RPS4Y1: variants seen among roughly 807,000 people sequenced by gnomAD.
The protein encoded by RPS4Y1 is ribosomal protein S4 Y-linked 1.
For synonymous variants in RPS4Y1, 23 were observed against 20.8 expected (o/e 1.10, Z -0.28); for missense variants, 30 against 60.9 (o/e 0.49, Z 1.69).
intron 4 of RPS4Y1, among the ~76,000 whole-genome samples, chrY:2,851,249 G>A: frequency 1.5e-4 from 5 of 33,421 alleles, no homozygotes; most frequent in Non-Finnish European, 3.7e-4. Context: ...GTGGTCACTG[G>A]ATTGGTACTG....
chrY:2,841,911 G>T, intron 1 of RPS4Y1: 1 of 376,024 alleles, frequency 2.7e-6, no homozygotes, highest in Non-Finnish European at 3.7e-6. Flanking sequence ...CCTCAGATTC[G>T]CTTGGAGAGC....
At chrY:2,850,969 A>G in intron 4 of RPS4Y1, among the ~76,000 whole-genome samples, 1 of 24,424 alleles carries the variant, frequency 4.1e-5, no homozygotes, top group African/African-American at 1.6e-4. Context: ...TCAGCCTCCC[A>G]AGTAGCTGGG....
At chrY:2,851,165 G>A (rs568388151) in intron 4 of RPS4Y1, among the ~76,000 whole-genome samples, 30 of 33,554 alleles carry the variant, frequency 8.9e-4, no homozygotes, top group African/African-American at 3.4e-3. Context: ...TATATCTAGC[G>A]TGGAGTAGAG....
intron 5 of RPS4Y1, among the ~76,000 whole-genome samples, chrY:2,859,364 A>G: frequency 3.1e-5 from 1 of 32,647 alleles, no homozygotes; most frequent in African/African-American, 1.2e-4. Context: ...TTTTATACCT[A>G]TTTTTTCTCC....
intron 4 of RPS4Y1, among the ~76,000 whole-genome samples, chrY:2,847,209 G>A: frequency 3.0e-5 from 1 of 33,771 alleles, no homozygotes; most frequent in South Asian, 6.6e-4. Flanking sequence ...CGTCAGTTAT[G>A]TCAGGGACAC....
At chrY:2,852,122 CT>C (rs2051156631) in intron 4 of RPS4Y1, among the ~76,000 whole-genome samples, 1 of 33,839 alleles carries the variant, frequency 3.0e-5, no homozygotes, top group East Asian at 7.8e-4. Flanking sequence ...TTTCAAAGGG[CT>C]TCTGTCCTGC....
intron 5 of RPS4Y1, among the ~76,000 whole-genome samples, chrY:2,864,524 G>A: frequency 6.0e-5 from 2 of 33,369 alleles, no homozygotes; most frequent in African/African-American, 1.2e-4. Flanking sequence ...AAGGTAGCCT[G>A]TGTCCTAGAT....
Position 2,854,656 on chromosome Y carries a change from G to C in RPS4Y1, c.417G>C (p.Leu139=), listed in dbSNP as rs1015417122. The change falls in exon 5 of 7, where the codon CTG becomes CTC. Residue 139 remains leucine (L), a synonymous_variant. Transcript: ENST00000250784. The part of the protein sequence containing the change: ...ITVGVKGIPH[L]VTHDARTIRY... ...TGGGAGTGAAGGGAATCCCTCACCTGGTGACTCATGATGCTCGAACCATCC... is the reference window on the plus strand; with the variant it reads ...TGGGAGTGAAGGGAATCCCTCACCTCGTGACTCATGATGCTCGAACCATCC... 2.5e-6 allele frequency: 1 copy of C among 392,298 alleles called. No homozygotes were observed. Among genetic ancestry groups the C allele is most frequent in the Non-Finnish European group, 3.6e-6 (1 of 279,407 alleles).
At chrY:2,861,906 GCCT>G (rs2051163852) in intron 5 of RPS4Y1, among the ~76,000 whole-genome samples, 1 of 31,750 alleles carries the variant, frequency 3.1e-5, no homozygotes, top group Admixed American at 2.9e-4. Context: ...AAGCCACAGT[GCCT>G]GGCAATTTTT....
At chrY:2,843,908 C>A in intron 2 of RPS4Y1, among the ~76,000 whole-genome samples, 169 bp from the exon 3 acceptor site, 1 of 32,852 alleles carries the variant, frequency 3.0e-5, no homozygotes, top group Admixed American at 2.7e-4. Flanking sequence ...ACCTTCCTAA[C>A]AAGACAGACC....
chrY:2,849,335 C>T (rs753080305), intron 4 of RPS4Y1, among the ~76,000 whole-genome samples: 6 of 34,133 alleles, frequency 1.8e-4, no homozygotes, highest in African/African-American at 6.9e-4. Flanking sequence ...GTTTGGCATC[C>T]TTCAGCTCAT....
intron 5 of RPS4Y1, 107 bp from the exon 6 acceptor site, chrY:2,864,981 A>G (rs2051165984): frequency 4.8e-5 from 8 of 167,497 alleles, no homozygotes; most frequent in Non-Finnish European, 6.7e-5. Context: ...ATGATGCTCC[A>G]TTTTTTTTTT....
At chrY:2,849,101 G>A (rs986941980) in intron 4 of RPS4Y1, among the ~76,000 whole-genome samples, 2 of 33,184 alleles carry the variant, frequency 6.0e-5, no homozygotes, top group Non-Finnish European at 1.5e-4. Context: ...GTTGCAAAAG[G>A]CATTATTTTG....
intron 1 of RPS4Y1, 127 bp downstream of exon 1, chrY:2,841,754 C>T: frequency 4.1e-6 from 1 of 242,307 alleles, no homozygotes; most frequent in Non-Finnish European, 6.7e-6. Context: ...GCTGGTGCTG[C>T]TTCAGGAAAC....
chrY:2,858,812 A>T, intron 5 of RPS4Y1, among the ~76,000 whole-genome samples: 1 of 32,874 alleles, frequency 3.0e-5, no homozygotes, highest in African/African-American at 1.2e-4. Flanking sequence ...CGGTTTTGTC[A>T]GTTTTTGTTA....
At chrY:2,845,515 G>T in intron 3 of RPS4Y1, 131 bp from the exon 4 acceptor site, 1 of 159,417 alleles carries the variant, frequency 6.3e-6, no homozygotes, top group Non-Finnish European at 1.2e-5. Context: ...AAGCACCTCC[G>T]CCAAGCCCTG....
rs1386423122 is a variant in RPS4Y1 at position 2,842,211 on chromosome Y, A to G, written c.50A>G (p.His17Arg). ...KHLKRVAAPK[H>R]WMLDKLTGVF... Reference sequence around the variant, plus strand: ...TTAAAGCGTGTTGCAGCGCCGAAGCATTGGATGCTTGACAAACTAACGGGT... The same window carrying G: ...TTAAAGCGTGTTGCAGCGCCGAAGCGTTGGATGCTTGACAAACTAACGGGT... The change falls in exon 2 of 7, where the codon CAT becomes CGT. Residue 17 changes from histidine (H) to arginine (R), a missense_variant. His to Arg is a conservative substitution (Grantham distance 29). Transcript: ENST00000250784. The G allele has an allele frequency of 2.5e-6, 1 of 398,281 alleles. No individual in the cohort carries two copies. Among genetic ancestry groups the G allele is most frequent in the Middle Eastern group, 5.9e-4 (1 of 1,701 alleles).
At chrY:2,847,500 AAG>A (rs1228653839) in intron 4 of RPS4Y1, among the ~76,000 whole-genome samples, 2 of 33,726 alleles carry the variant, frequency 5.9e-5, no homozygotes, top group African/African-American at 1.2e-4. Context: ...GAGAAAAAGA[AAG>A]AGTTTGGGTG....
intron 5 of RPS4Y1, among the ~76,000 whole-genome samples, chrY:2,856,040 A>G: frequency 2.9e-5 from 1 of 34,177 alleles, no homozygotes; most frequent in Non-Finnish European, 7.3e-5. Context: ...AGATGAATCA[A>G]AGCTGGCCAG....
Sources: gnomAD v4.1 joint callset for allele counts (sites outside exome capture counted in the v4.1 genomes callset) on GRCh38, gnomAD v4.1.1 for gene constraint, MANE v1.5 for transcripts, NCBI Gene and HGNC (gene_info 2026-07-23, HGNC 2026-07-21) for gene names.